The following GALNT7 variants were observed in gnomAD, a reference collection of about 807,000 sequenced individuals.
GALNT7 encodes the protein N-acetylgalactosaminyltransferase 7.
GALNT7 carries 60 observed loss-of-function variants against 82.1 expected under a neutral mutation model. That is an observed-to-expected ratio of 0.73 (90% CI 0.59 to 0.91). The LOEUF (loss-of-function observed/expected upper bound fraction) is 0.91. Ranked by LOEUF, GALNT7 falls within the 40% of genes least tolerant of loss-of-function variation. GALNT7 has a pLI of 0.00. For missense variants in GALNT7, 660 were observed against 804.2 expected (o/e 0.82, Z 2.17); for synonymous variants, 243 against 275.1 (o/e 0.88, Z 1.15).
At chr4:173,250,852 C>A (rs1026512836) in intron 2 of GALNT7, among the ~76,000 whole-genome samples, 5 of 152,226 alleles carry the variant, frequency 3.3e-5, no homozygotes, top group Middle Eastern at 3.4e-3. Context: ...ATATGCTCTT[C>A]CCTCCTCCAT....
chr4:173,188,458 G>T (rs1732522630), intron 1 of GALNT7, among the ~76,000 whole-genome samples: 1 of 152,144 alleles, frequency 6.6e-6, no homozygotes, highest in South Asian at 2.1e-4. Flanking sequence ...AGATTTCACG[G>T]CATACATTGG....
intron 1 of GALNT7, among the ~76,000 whole-genome samples, chr4:173,225,154 A>G (rs998735556): frequency 1.3e-5 from 2 of 152,116 alleles, no homozygotes; most frequent in African/African-American, 4.8e-5. Flanking sequence ...TAACCAATCC[A>G]TGATCTCCTG....
At chr4:173,298,885 A>G (rs1736815699) in intron 6 of GALNT7, among the ~76,000 whole-genome samples, 1 of 152,258 alleles carries the variant, frequency 6.6e-6, no homozygotes. Flanking sequence ...CATTCTCAGA[A>G]AAGTGATTGA....
chr4:173,234,543 T>C (rs1321144496), intron 1 of GALNT7, among the ~76,000 whole-genome samples: 2 of 152,138 alleles, frequency 1.3e-5, no homozygotes, highest in African/African-American at 4.8e-5. Flanking sequence ...CATACCTCCC[T>C]CTCCTTCATC....
intron 1 of GALNT7, among the ~76,000 whole-genome samples, chr4:173,193,250 CTATTT>C (rs1246615039): frequency 2.0e-5 from 3 of 152,188 alleles, no homozygotes; most frequent in Non-Finnish European, 4.4e-5. Flanking sequence ...ATAACAAACA[CTATTT>C]TATTTAAGCT....
intron 1 of GALNT7, among the ~76,000 whole-genome samples, chr4:173,201,766 A>G (rs1361109068): frequency 1.3e-5 from 2 of 152,222 alleles, no homozygotes. Flanking sequence ...GAAGTGCCTC[A>G]ATAATGCATC....
Position 173,292,322 on chromosome 4 carries a change from G to T in GALNT7, c.754+48G>T, listed in dbSNP as rs374652427. The T allele has an allele frequency of 8.6e-7, 1 of 1,167,014 alleles. No homozygotes were observed. Among genetic ancestry groups the T allele is most frequent in the South Asian group, 1.5e-5 (1 of 67,962 alleles). 72.3% of individuals were successfully genotyped at this position (1,167,014 alleles called of 1,614,324 possible). ...TTTGTCTATAAAATAAGTTAAGCAT[G>T]AATAATTGCAAAAAGGTGATTTCAA... On this transcript the variant is annotated intron_variant, in intron 3 of 11. Transcript: ENST00000265000. The surrounding 1 kb of genome is among the most constrained non-coding windows in gnomAD (Gnocchi z 4.8).
At chr4:173,184,038 A>G (rs1732379892) in intron 1 of GALNT7, among the ~76,000 whole-genome samples, 1 of 139,900 alleles carries the variant, frequency 7.1e-6, no homozygotes, top group Non-Finnish European at 1.5e-5. Flanking sequence ...ATTCCAGACG[A>G]TGGGCGGCCG....
chr4:173,221,691 A>G (rs1271006174), intron 1 of GALNT7, among the ~76,000 whole-genome samples: 6 of 152,210 alleles, frequency 3.9e-5, no homozygotes, highest in South Asian at 2.1e-4. Context: ...CAAATAGTTA[A>G]TGAACTATTT....
At chr4:173,245,763 T>C (rs761574716) in intron 1 of GALNT7, among the ~76,000 whole-genome samples, 10 of 152,220 alleles carry the variant, frequency 6.6e-5, no homozygotes, top group Non-Finnish European at 1.5e-4. Context: ...ATCATCAGAA[T>C]CACCCCTTAC....
At chr4:173,263,897 T>A (rs767716526) in intron 2 of GALNT7, among the ~76,000 whole-genome samples, 1 of 152,240 alleles carries the variant, frequency 6.6e-6, no homozygotes, top group Non-Finnish European at 1.5e-5. Flanking sequence ...ATTTACATGA[T>A]GAATACCTGT....
At chr4:173,286,385 C>T (rs932792348) in intron 2 of GALNT7, among the ~76,000 whole-genome samples, 3 of 152,204 alleles carry the variant, frequency 2.0e-5, no homozygotes, top group Non-Finnish European at 4.4e-5. Flanking sequence ...TAGAGGGCAG[C>T]ACTCCTGCTA....
Position 173,302,641 on chromosome 4 carries a change from G to T in GALNT7, c.1266+477G>T, listed in dbSNP as rs1048399776. Among the ~76,000 whole-genome samples, 19 of 152,156 alleles carry T rather than the reference G, an allele frequency of 1.2e-4. No homozygotes were observed. Among genetic ancestry groups the T allele is most frequent in the Non-Finnish European group, 2.6e-4 (18 of 68,038 alleles). ...ATCCACCCTGTTGTTGAAGCAGTCT[G>T]GGAGCAATACTATCTTCCATGCTCC... On this transcript the variant is annotated intron_variant, in intron 7 of 11. Coordinates refer to ENST00000265000, the MANE Select transcript of GALNT7 (RefSeq NM_017423.3). The surrounding 1 kb of genome is among the most constrained non-coding windows in gnomAD (Gnocchi z 4.2).
At position 173,183,281 on chromosome 4, in the gene GALNT7, CT is replaced by C. The variant is rs760189702; in HGVS notation, c.126+14335del. 6.9e-3 allele frequency among the ~76,000 whole-genome samples: 984 copies of C among 142,030 alleles called. 2 individuals carry two copies. Among genetic ancestry groups the C allele is most frequent in the East Asian group, 0.014 (68 of 4,918 alleles). 93.2% of individuals were successfully genotyped at this position (142,030 alleles called of 152,430 possible). ...CCCACTATTCCTCTCACACGCTGCA[CT>C]TTTTTTTTTTTTTTAAAGCTGCATT... On this transcript the variant is annotated intron_variant, in intron 1 of 11. Transcript: ENST00000265000.
intron 2 of GALNT7, among the ~76,000 whole-genome samples, chr4:173,271,984 A>G (rs973255088): frequency 6.6e-6 from 1 of 152,124 alleles, no homozygotes; most frequent in Non-Finnish European, 1.5e-5. Context: ...GGTTTTCACT[A>G]TTGTAAACAA....
chr4:173,281,235 A>G (rs1315264836), intron 2 of GALNT7, among the ~76,000 whole-genome samples: 2 of 151,976 alleles, frequency 1.3e-5, no homozygotes, highest in African/African-American at 4.8e-5. Context: ...TCCCGGGTAT[A>G]CTGGCACCCT....
chr4:173,253,039 A>G (rs1450463020), intron 2 of GALNT7, among the ~76,000 whole-genome samples: 1 of 152,012 alleles, frequency 6.6e-6, no homozygotes, highest in Non-Finnish European at 1.5e-5. Context: ...ATCTCTACCA[A>G]AAATACAAAA....
At chr4:173,184,820 C>T (rs1732416643) in intron 1 of GALNT7, among the ~76,000 whole-genome samples, 1 of 152,082 alleles carries the variant, frequency 6.6e-6, no homozygotes, top group Non-Finnish European at 1.5e-5. Context: ...ACTGATGTTT[C>T]AATCTGCTTC....
At chr4:173,237,475 C>T (rs546710606) in intron 1 of GALNT7, among the ~76,000 whole-genome samples, 1 of 152,164 alleles carries the variant, frequency 6.6e-6, no homozygotes, top group Non-Finnish European at 1.5e-5. Context: ...GTATAACAAA[C>T]ATTCTCTCCC....
Sources: allele counts gnomAD v4.1 joint callset (sites outside exome capture counted in the v4.1 genomes callset), GRCh38; gene constraint gnomAD v4.1.1; non-coding constraint Gnocchi (gnomAD v3.1); transcripts MANE v1.5; gene names NCBI Gene and HGNC (gene_info 2026-07-23, HGNC 2026-07-21).